Variants in PEAK1 observed in about 807,000 individuals in gnomAD.
PEAK1 encodes the protein inactive tyrosine-protein kinase PEAK1.
In PEAK1, 54 loss-of-function variants were observed where a neutral mutation model predicts 124.7. The observed-to-expected ratio is 0.43, with a 90% CI of 0.35 to 0.54. PEAK1 has a LOEUF of 0.54. Among genes scored for constraint, PEAK1 ranks in the 20% least tolerant of loss-of-function variants. PEAK1 has a pLI of 0.01. For missense variants in PEAK1, 2,046 were observed against 2,134.5 expected (o/e 0.96, Z 0.82); for synonymous variants, 719 against 760.0 (o/e 0.95, Z 0.89).
chr15:77,172,080 C>G lies in PEAK1; in HGVS notation c.3137+6710G>C, dbSNP rs868537836. 5.3e-5 allele frequency among the ~76,000 whole-genome samples: 8 copies of G among 152,116 alleles called. No homozygotes were observed. In the South Asian group the frequency reaches 1.5e-3, roughly 28 times the overall value. On this transcript the variant is annotated intron_variant, in intron 7 of 9. Transcript: ENST00000682557. Reference sequence around the variant, plus strand: ...CTGTAGATATTCTTTGGTACCATACCAGAATTTGATAAGTGGTAGTTTCTT... The same window carrying G: ...CTGTAGATATTCTTTGGTACCATACGAGAATTTGATAAGTGGTAGTTTCTT...
chr15:77,378,207 T>TATATATATAC (rs942004559), intron 1 of PEAK1, among the ~76,000 whole-genome samples: 1 of 145,842 alleles, frequency 6.9e-6, no homozygotes, highest in Non-Finnish European at 1.5e-5. Flanking sequence ...TATATATATA[T>TATATATATAC]ACATAATCCC....
At chr15:77,313,726 GTATA>G (rs1555478191) in intron 2 of PEAK1, among the ~76,000 whole-genome samples, 2 of 108,562 alleles carry the variant, frequency 1.8e-5, no homozygotes, top group Non-Finnish European at 3.9e-5. Flanking sequence ...GTGTGTGTGT[GTATA>G]TATATATATA....
chr15:77,317,380 TATCA>T (rs2064944141), intron 2 of PEAK1, among the ~76,000 whole-genome samples: 1 of 152,204 alleles, frequency 6.6e-6, no homozygotes, highest in Non-Finnish European at 1.5e-5. Context: ...AACTTGTTAT[TATCA>T]ATCTCATTAT....
intron 5 of PEAK1, among the ~76,000 whole-genome samples, chr15:77,265,192 T>C (rs1269474468): frequency 9.2e-5 from 14 of 152,208 alleles, no homozygotes; most frequent in Middle Eastern, 3.4e-3. Flanking sequence ...GACATAGGCA[T>C]GGGCAAGGAC....
At chr15:77,313,109 C>T (rs917000151) in intron 2 of PEAK1, among the ~76,000 whole-genome samples, 2 of 152,086 alleles carry the variant, frequency 1.3e-5, no homozygotes, top group African/African-American at 4.8e-5. Flanking sequence ...CTAGGGCTAT[C>T]GCAGGAAATA....
chr15:77,378,592 A>G (rs536638661), intron 1 of PEAK1, among the ~76,000 whole-genome samples: 18 of 152,288 alleles, frequency 1.2e-4, no homozygotes, highest in Admixed American at 2.6e-4. Context: ...CTAAAACTTT[A>G]TAACATTTTA....
intron 2 of PEAK1, among the ~76,000 whole-genome samples, chr15:77,354,080 C>T (rs2067357281): frequency 6.6e-6 from 1 of 152,084 alleles, no homozygotes; most frequent in Non-Finnish European, 1.5e-5. Context: ...ACCTCAAAAA[C>T]TCTCTCTCCC....
chr15:77,358,529 C>T (rs888801560), intron 2 of PEAK1, among the ~76,000 whole-genome samples: 2 of 152,202 alleles, frequency 1.3e-5, no homozygotes, highest in Non-Finnish European at 2.9e-5. Context: ...ATGAACACTG[C>T]CACCCTTTTC....
intron 1 of PEAK1, among the ~76,000 whole-genome samples, chr15:77,415,148 G>A (rs995115707): frequency 1.3e-5 from 2 of 152,164 alleles, no homozygotes; most frequent in South Asian, 4.1e-4. Context: ...AATCAACCAC[G>A]AAAATTGGTA....
intron 2 of PEAK1, among the ~76,000 whole-genome samples, chr15:77,290,546 C>A (rs191912561): frequency 6.6e-6 from 1 of 152,168 alleles, no homozygotes; most frequent in Non-Finnish European, 1.5e-5. Flanking sequence ...AGCCACCTTG[C>A]CCAGCTTCTT....
chr15:77,116,866 C>G (rs1469577558), intron 9 of PEAK1, among the ~76,000 whole-genome samples: 1 of 152,158 alleles, frequency 6.6e-6, no homozygotes, highest in East Asian at 1.9e-4. Flanking sequence ...ACATCCCCAG[C>G]CTGAGTTCAA....
At chr15:77,287,734 A>G (rs2063001069) in intron 2 of PEAK1, among the ~76,000 whole-genome samples, 1 of 152,090 alleles carries the variant, frequency 6.6e-6, no homozygotes, top group Non-Finnish European at 1.5e-5. Context: ...GATGTTTCTA[A>G]CTGAAGGTAC....
chr15:77,333,869 A>T (rs1388309251), intron 2 of PEAK1: 2 of 536,036 alleles, frequency 3.7e-6, no homozygotes, highest in Non-Finnish European at 4.8e-6. Context: ...TCCTTCAAAA[A>T]TTTTCTTTTA....
intron 1 of PEAK1, among the ~76,000 whole-genome samples, chr15:77,392,321 TTAGA>T (rs1320598288): frequency 2.6e-5 from 4 of 152,222 alleles, no homozygotes; most frequent in Non-Finnish European, 5.9e-5. Context: ...AGATCATAAC[TTAGA>T]TAATGATAAT....
chr15:77,298,846 C>T (rs557831205), intron 2 of PEAK1, among the ~76,000 whole-genome samples: 6 of 152,288 alleles, frequency 3.9e-5, no homozygotes, highest in Admixed American at 6.5e-5. Flanking sequence ...GTTTCCTTAG[C>T]GTTACCAGGG....
chr15:77,269,996 A>G (rs2061946335), intron 5 of PEAK1, among the ~76,000 whole-genome samples: 1 of 152,178 alleles, frequency 6.6e-6, no homozygotes, highest in Admixed American at 6.5e-5. Flanking sequence ...TGAGTTTCTT[A>G]ATCCTGAGTT....
chr15:77,261,613 C>A (rs1469016832), intron 5 of PEAK1, among the ~76,000 whole-genome samples: 2 of 152,046 alleles, frequency 1.3e-5, no homozygotes, highest in South Asian at 2.1e-4. Context: ...ACTATGTGAA[C>A]AGACCAAATC....
intron 5 of PEAK1, among the ~76,000 whole-genome samples, chr15:77,277,460 T>C (rs971536498): frequency 7.2e-5 from 11 of 152,314 alleles, no homozygotes; most frequent in African/African-American, 2.6e-4. Flanking sequence ...TTTACACCAA[T>C]GTCAATGTAC....
intron 1 of PEAK1, chr15:77,419,732 G>A: frequency 1.1e-6 from 1 of 910,180 alleles, no homozygotes; most frequent in South Asian, 5.1e-5. Flanking sequence ...TCCCGGGGCC[G>A]CCGCCGAGGG....
Sources: allele counts gnomAD v4.1 joint callset (sites outside exome capture counted in the v4.1 genomes callset), GRCh38; gene constraint gnomAD v4.1.1; transcripts MANE v1.5; gene names NCBI Gene and HGNC (gene_info 2026-07-23, HGNC 2026-07-21).